Variants in KLHL33 observed in about 807,000 individuals in gnomAD.
KLHL33 encodes the protein kelch-like protein 33.
Under a neutral mutation model 60.8 loss-of-function variants are expected in KLHL33, and 46 were observed. The ratio of observed to expected loss-of-function variants is 0.76; its 90% confidence interval spans 0.60 to 0.97. KLHL33 has a LOEUF of 0.97. Ranked by LOEUF, KLHL33 falls within the 50% of genes least tolerant of loss-of-function variation. The pLI, the probability that KLHL33 is intolerant of heterozygous loss-of-function variation, is 0.00. For synonymous variants in KLHL33, 434 were observed against 432.2 expected, an observed-to-expected ratio of 1.00 and a Z score of -0.05; for missense variants, 1,055 against 1,000.0, an observed-to-expected ratio of 1.05 and a Z score of -0.74.
chr14:20,428,410 C>T lies in KLHL33; in HGVS notation c.*439G>A, dbSNP rs1282008176. The T allele has an allele frequency of 6.4e-6, 1 of 156,656 alleles. No individual in the cohort carries two copies. Among genetic ancestry groups the T allele is most frequent in the African/African-American group, 2.4e-5 (1 of 41,542 alleles). The allele number at this position is 156,656 out of a possible 1,614,324, so 9.7% of individuals were successfully genotyped here. On this transcript the variant is annotated 3_prime_UTR_variant, in exon 5 of 5. Transcript: ENST00000636854. ...AAGTTCCAGGAAAAAAAGGGCTGAA[C>T]GATTTACAGTCCTTACTCCTACACT...
chr14:20,432,919 C>G (rs1180061606), intron 2 of KLHL33, among the ~76,000 whole-genome samples: 2 of 13,488 alleles, frequency 1.5e-4, no homozygotes, highest in African/African-American at 5.0e-4. Flanking sequence ...AAGATTCCAT[C>G]TCAAAAAAAA....
chr14:20,434,886 C>T (rs1313701683), intron 2 of KLHL33, among the ~76,000 whole-genome samples, 178 bp downstream of exon 2: 1 of 152,156 alleles, frequency 6.6e-6, no homozygotes, highest in Non-Finnish European at 1.5e-5. Context: ...GAAAACAACT[C>T]GACTGCGCAT....
chr14:20,429,584 T>C lies in KLHL33; in HGVS notation c.1759A>G (p.Lys587Glu). The C allele has an allele frequency of 1.9e-6, 3 of 1,552,076 alleles. No homozygotes were observed. The highest frequency in any genetic ancestry group is 2.6e-6 in the Non-Finnish European group (3 of 1,147,084). ...SLFSLVALDG[K>E]LYALGGRHND... The stretch of plus-strand genomic sequence containing the variant: ...TGTCTTCCACCCAGGGCATAAAGTT[T>C]TCCATCCAGTGCCACCAAGGAGAAA... Residue 587 changes from lysine (K) to glutamate (E), a missense_variant, in exon 4 of 5, where the codon AAA (lysine) becomes GAA (glutamate). By Grantham distance (56) the Lys-to-Glu change is moderately conservative. Coordinates refer to ENST00000636854, the MANE Select transcript of KLHL33 (RefSeq NM_001365790.2).
At position 20,429,161 on chromosome 14, in the gene KLHL33, C is replaced by G. The variant is rs1880397422; in HGVS notation, c.2082G>C (p.Glu694Asp). ...CATAGGCCTCAAAGCTTAGCAGGTC[C>G]TCAGTCTCACCCAGCCCACCTGCCA... Reference protein sequence around the residue: ...LYVAGGLGETEDLLSFEAYEL... With the variant: ...LYVAGGLGETDDLLSFEAYEL... The change falls in exon 5 of 5, where the codon GAG becomes GAC. Residue 694 changes from glutamate to aspartate, a missense_variant. By Grantham distance (45) the Glu-to-Asp change is conservative (BLOSUM62 2). Transcript: ENST00000636854. The G allele has an allele frequency of 2.6e-6, 4 of 1,551,702 alleles. No homozygotes were observed. The highest frequency in any genetic ancestry group is 3.5e-6 in the Non-Finnish European group (4 of 1,146,980).
rs1175808468 is a variant in KLHL33, at chr14:20,435,412, T to C, written c.400A>G (p.Ile134Val). 8.1e-7 allele frequency: 1 copy of C among 1,234,252 alleles called. No individual in the cohort carries two copies. The highest frequency in any genetic ancestry group is 1.0e-6 in the Non-Finnish European group (1 of 988,182). 76.5% of individuals were successfully genotyped at this position (1,234,252 alleles called of 1,614,324 possible). A position where few individuals can be genotyped will look rare whatever the true frequency, so the allele number is the denominator to read the frequency against. ...AGCCTGTCTCGGAAGAGGCTGCTGA[T>C]TGCGGCCAGGATCACCCGATGCACC... Reference protein sequence around the residue: ...YGVHRVILAAISSLFRDRLLG... With the variant: ...YGVHRVILAAVSSLFRDRLLG... Residue 134 changes from isoleucine (I) to valine (V), a missense_variant, in exon 2 of 5, where the codon ATC becomes GTC. Transcript: ENST00000636854.
intron 2 of KLHL33, among the ~76,000 whole-genome samples, chr14:20,431,113 C>CA: frequency 6.6e-6 from 1 of 152,238 alleles, no homozygotes. Context: ...AAGAGGAGCA[C>CA]AAAATAAATG....
Position 20,426,627 on chromosome 14 carries a change from T to C in KLHL33, c.*2222A>G, listed in dbSNP as rs952132420. 1 of 151,980 alleles carries C rather than the reference T, an allele frequency of 6.6e-6. No homozygotes were observed. Among genetic ancestry groups the C allele is most frequent in the African/African-American group, 2.4e-5 (1 of 41,398 alleles). 9.4% of individuals were successfully genotyped at this position (151,980 alleles called of 1,614,324 possible). On this transcript the variant is annotated 3_prime_UTR_variant, in exon 5 of 5. Transcript: ENST00000636854. ...ACCATTGTGGAAGTCAGTGTGGCGA[T>C]TCCTCAGGGACCTAGAACTAGAAAT...
At chr14:20,432,000 A>G (rs899232881) in intron 2 of KLHL33, among the ~76,000 whole-genome samples, 1 of 152,210 alleles carries the variant, frequency 6.6e-6, no homozygotes, top group African/African-American at 2.4e-5. Context: ...ATTTAACTTG[A>G]ATCTGTTCAA....
Position 20,435,190 on chromosome 14 carries a change from T to C in KLHL33, c.622A>G (p.Arg208Gly), listed in dbSNP as rs1713408. Reference protein sequence around the residue: ...QQTCERAGNAREDVKKPSQAE... With the variant: ...QQTCERAGNAGEDVKKPSQAE... ...TGGCTGGGCTTCTTTACATCTTCCC[T>C]GGCATTTCCAGCCCTCTCGCATGTC... Residue 208 changes from arginine to glycine, a missense_variant, in exon 2 of 5, where the codon AGG becomes GGG. Physicochemically the swap from Arg to Gly is moderately radical, Grantham distance 125 (BLOSUM62 -2). Coordinates refer to ENST00000636854, the MANE Select transcript of KLHL33 (RefSeq NM_001365790.2). 1,202,079 of 1,234,464 alleles carry C rather than the reference T, an allele frequency of 0.97. 585,294 individuals carry two copies. Among genetic ancestry groups the C allele is most frequent in the East Asian group, 1 (31,678 of 31,684 alleles). The allele number at this position is 1,234,464 out of a possible 1,614,324, so 76.5% of individuals were successfully genotyped here. A position where few individuals can be genotyped will look rare whatever the true frequency, so the allele number is the denominator to read the frequency against.
In KLHL33 at chr14:20,429,052, G is replaced by A. The variant is rs771474691; in HGVS notation, c.2191C>T (p.Leu731=). ...TGACTGTAGCCCCCGAGCACCAGTA[G>A]CTCCCCCTGCAGCACAGCACTTGCA... ...GAASAVLQGE[L]LVLGGYSHRT... Residue 731 remains leucine (L), a synonymous_variant, in exon 5 of 5, where the codon CTA becomes TTA. Transcript: ENST00000636854. 3 of 1,551,598 alleles carry A rather than the reference G, an allele frequency of 1.9e-6. No individual in the cohort carries two copies. The highest frequency in any genetic ancestry group is 2.6e-6 in the Non-Finnish European group (3 of 1,147,000).
At position 20,429,865 on chromosome 14, in the gene KLHL33, C is replaced by T; in HGVS notation, c.1603G>A (p.Gly535Arg). 6.4e-7 allele frequency: 1 copy of T among 1,551,908 alleles called. No individual in the cohort carries two copies. Among genetic ancestry groups the T allele is most frequent in the East Asian group, 2.4e-5 (1 of 40,924 alleles). The change falls in exon 3 of 5, where the codon GGA becomes AGA. Residue 535 changes from glycine (G) to arginine (R), a missense_variant. Gly to Arg is a moderately radical substitution (Grantham distance 125, BLOSUM62 -2). Coordinates refer to ENST00000636854, the MANE Select transcript of KLHL33 (RefSeq NM_001365790.2). ...CCCCCACACACATAGAGTTCACTTC[C>T]TGCCAGGCTTGCAGCCCCATGCCGG... ...RFRHGAASLA[G>R]SELYVCGGQD... is the part of the protein sequence containing the mutation.
Position 20,429,036 on chromosome 14 carries a change from C to A in KLHL33, c.2207G>T (p.Gly736Val). ...VLQGELLVLGGYSHRTYALSH... is the reference protein window; with the variant it reads ...VLQGELLVLGVYSHRTYALSH... Reference sequence around the variant, plus strand: ...GAGGGCATAAGTACGGTGACTGTAGCCCCCGAGCACCAGTAGCTCCCCCTG... The same window carrying A: ...GAGGGCATAAGTACGGTGACTGTAGACCCCGAGCACCAGTAGCTCCCCCTG... The change falls in exon 5 of 5, where the codon GGC becomes GTC. Residue 736 changes from glycine to valine, a missense_variant. Physicochemically the swap from Gly to Val is moderately radical, Grantham distance 109. Coordinates refer to ENST00000636854, the MANE Select transcript of KLHL33 (RefSeq NM_001365790.2). 1 of 1,551,676 alleles carries A rather than the reference C, an allele frequency of 6.4e-7. No homozygotes were observed. Among genetic ancestry groups the A allele is most frequent in the South Asian group, 1.2e-5 (1 of 84,066 alleles).
chr14:20,427,458 G>A lies in KLHL33; in HGVS notation c.*1391C>T, dbSNP rs983878632. The A allele has an allele frequency of 2.0e-5, 3 of 152,178 alleles. No individual in the cohort carries two copies. Among genetic ancestry groups the A allele is most frequent in the African/African-American group, 7.2e-5 (3 of 41,446 alleles). 9.4% of individuals were successfully genotyped at this position (152,178 alleles called of 1,614,324 possible). ...GAATACCCACTTCCTCTTTGCTATG[G>A]AGAAACAGGGCATGGCATGCCCCAC... On this transcript the variant is annotated 3_prime_UTR_variant, in exon 5 of 5. Coordinates refer to ENST00000636854, the MANE Select transcript of KLHL33 (RefSeq NM_001365790.2).
At position 20,435,518 on chromosome 14, in the gene KLHL33, CTG is replaced by C. The variant is rs1284903758; in HGVS notation, c.292_293del (p.Gln98ValfsTer72). The stretch of plus-strand genomic sequence containing the variant: ...GCAGCCGCTGGGCCTCGGCGAAAAA[CTG>C]GCTCGGATGCTCCTCGCTGCGCAGC... ...EWLRSEEHPS[Q>X]FFAEAQRLRE... On this transcript the variant is annotated frameshift_variant, in exon 2 of 5. Coordinates refer to ENST00000636854, the MANE Select transcript of KLHL33 (RefSeq NM_001365790.2). LOFTEE classifies it high-confidence loss of function. The C allele has an allele frequency of 8.1e-7, 1 of 1,234,692 alleles. No homozygotes were observed. Among genetic ancestry groups the C allele is most frequent in the African/African-American group, 1.6e-5 (1 of 64,516 alleles). The allele number at this position is 1,234,692 out of a possible 1,614,324, so 76.5% of individuals were successfully genotyped here. A position where few individuals can be genotyped will look rare whatever the true frequency, so the allele number is the denominator to read the frequency against.
In KLHL33 at chr14:20,426,561, G is replaced by C. The variant is rs1396628641; in HGVS notation, c.*2288C>G. On this transcript the variant is annotated 3_prime_UTR_variant, in exon 5 of 5. Transcript: ENST00000636854. Reference sequence around the variant, plus strand: ...GTGCTGGAGAGGATGTGGAGAAATAGGAACACTTTTACACTGTTGGTGGGA... The same window carrying C: ...GTGCTGGAGAGGATGTGGAGAAATACGAACACTTTTACACTGTTGGTGGGA... The C allele has an allele frequency of 6.6e-6, 1 of 151,426 alleles. No homozygotes were observed. Among genetic ancestry groups the C allele is most frequent in the Non-Finnish European group, 1.5e-5 (1 of 67,914 alleles). The allele number at this position is 151,426 out of a possible 1,614,324, so 9.4% of individuals were successfully genotyped here.
rs1374818509 is a variant in KLHL33 at position 20,430,620 on chromosome 14, A to T, written c.848T>A (p.Ile283Asn). 2.6e-6 allele frequency: 4 copies of T among 1,536,092 alleles called. No individual in the cohort carries two copies. Among genetic ancestry groups the T allele is most frequent in the Non-Finnish European group, 3.5e-6 (4 of 1,146,938 alleles). ...SQGTEVSLRT[I>N]STQDLRLLVS... is the part of the protein sequence containing the mutation. ...GAGGAGTCGCAGGTCCTGGGTGGAG[A>T]TCGTCCGCAGAGATACCTCTGTGCC... The change falls in exon 3 of 5, where the codon ATC becomes AAC. Residue 283 changes from isoleucine (I) to asparagine (N), a missense_variant. Coordinates refer to ENST00000636854, the MANE Select transcript of KLHL33 (RefSeq NM_001365790.2).
Position 20,426,508 on chromosome 14 carries a change from A to AGG in KLHL33, c.*2340_*2341insCC, listed in dbSNP as rs58591860. 6.9e-6 allele frequency: 1 copy of AGG among 145,504 alleles called. No individual in the cohort carries two copies. The highest frequency in any genetic ancestry group is 2.6e-5 in the African/African-American group (1 of 39,118). 9.0% of individuals were successfully genotyped at this position (145,504 alleles called of 1,614,324 possible). ...AAACTCTGTCTCAAAAAAAAAAAAAAAAAAAAGAAAAAGAAAATTGACAAC... is the reference window on the plus strand; with the variant it reads ...AAACTCTGTCTCAAAAAAAAAAAAAAGGAAAAAAGAAAAAGAAAATTGACAAC... On this transcript the variant is annotated 3_prime_UTR_variant, in exon 5 of 5. Coordinates refer to ENST00000636854, the MANE Select transcript of KLHL33 (RefSeq NM_001365790.2).
chr14:20,432,309 C>T (rs1000349835), intron 2 of KLHL33, among the ~76,000 whole-genome samples: 7 of 151,886 alleles, frequency 4.6e-5, no homozygotes, highest in East Asian at 1.9e-4. Context: ...GAGACGGTTT[C>T]GCCATGTTGG....
At chr14:20,435,033 T>G in intron 2 of KLHL33, 31 bp downstream of exon 2, 1 of 1,233,376 alleles carries the variant, frequency 8.1e-7, no homozygotes. Context: ...CATATGCACC[T>G]GCAGTAATTT....
Sources: gnomAD v4.1 joint callset for allele counts (sites outside exome capture counted in the v4.1 genomes callset) on GRCh38, gnomAD v4.1.1 for gene constraint, MANE v1.5 for transcripts, NCBI Gene and HGNC (gene_info 2026-07-23, HGNC 2026-07-21) for gene names.